PIK3R3: variants seen among roughly 807,000 people sequenced by gnomAD.
PIK3R3 encodes phosphatidylinositol 3-kinase regulatory subunit gamma.
A neutral mutation model predicts 62.9 loss-of-function variants in PIK3R3; 64 were observed. That is an observed-to-expected ratio of 1.02 (90% CI 0.83 to 1.25). The LOEUF (loss-of-function observed/expected upper bound fraction) is 1.25, where lower values mean the gene tolerates loss of function less well. Ranked by LOEUF, PIK3R3 falls within the 50% of genes most tolerant of loss-of-function variation. The pLI is 0.00. For missense variants in PIK3R3, 614 were observed against 561.6 expected, an observed-to-expected ratio of 1.09 and a Z score of -0.94; for synonymous variants, 165 against 189.0, an observed-to-expected ratio of 0.87 and a Z score of 1.04.
At position 46,050,438 on chromosome 1, in the gene PIK3R3, G is replaced by A. The variant is rs576471155; in HGVS notation, c.942-3813C>T. The stretch of plus-strand genomic sequence containing the variant: ...AAATTAGCTGGAGGTGGTGGTATGC[G>A]CCTATAATCCCAGCTACTCAGGAGG... On this transcript the variant is annotated intron_variant, in intron 7 of 9. Transcript: ENST00000262741. Among the ~76,000 whole-genome samples the A allele has an allele frequency of 5.3e-5, 8 of 151,900 alleles. No homozygotes were observed. The East Asian group carries it at 7.8e-4, about 15-fold the overall frequency.
rs775607206 is a variant in PIK3R3 at position 46,064,859 on chromosome 1, C to CCT, written c.621+1193_621+1194dup. Among the ~76,000 whole-genome samples the CCT allele has an allele frequency of 1.9e-4, 29 of 151,952 alleles. 1 individual carries two copies. The highest frequency in any genetic ancestry group is 3.5e-4 in the Non-Finnish European group (24 of 67,968). ...TTTAAACCAATGAACAAAATTTCCA[C>CCT]CTTAAGAAGCTAGGAAAAGAGAAAA... On this transcript the variant is annotated intron_variant, in intron 5 of 9. Coordinates refer to ENST00000262741, the MANE Select transcript of PIK3R3 (RefSeq NM_003629.4).
At chr1:46,138,373 A>C in the PIK3R3 span, among the ~76,000 whole-genome samples, 1 of 152,224 alleles carries the variant, frequency 6.6e-6, no homozygotes, top group Non-Finnish European at 1.5e-5. Flanking sequence ...TTAAAAAGAT[A>C]AAAAGACCAG....
In PIK3R3 at chr1:46,045,644, T is replaced by TTTTTTTTTTTTTTTTTTC. The variant is rs370501368; in HGVS notation, c.1187+273_1187+274insGAAAAAAAAAAAAAAAAA. Among the ~76,000 whole-genome samples, 25 of 82,678 alleles carry TTTTTTTTTTTTTTTTTTC rather than the reference T, an allele frequency of 3.0e-4. 4 individuals are homozygous for TTTTTTTTTTTTTTTTTTC. The highest frequency in any genetic ancestry group is 9.3e-4 in the Admixed American group (6 of 6,468). The allele number at this position is 82,678 out of a possible 152,430, so 54.2% of individuals were successfully genotyped here. A position where few individuals can be genotyped will look rare whatever the true frequency, so the allele number is the denominator to read the frequency against. On this transcript the variant is annotated intron_variant, in intron 9 of 9. Transcript: ENST00000262741. ...TTTTTTTTTTTTTTTTTTTTTTTTT[T>TTTTTTTTTTTTTTTTTTC]CAATTTAAGATCTCACATTACCTTT...
chr1:46,126,992 C>T (rs1165991781), intron 1 of PIK3R3, among the ~76,000 whole-genome samples: 7 of 151,882 alleles, frequency 4.6e-5, no homozygotes, highest in Non-Finnish European at 1.0e-4. Flanking sequence ...TTTTGCAAAA[C>T]AAAACTTTTC....
intron 6 of PIK3R3, among the ~76,000 whole-genome samples, chr1:46,058,747 T>C (rs1036514590): frequency 6.6e-6 from 1 of 152,230 alleles, no homozygotes; most frequent in Non-Finnish European, 1.5e-5. Flanking sequence ...AGGAAATAAC[T>C]AGCTTGCTTT....
intron 4 of PIK3R3, among the ~76,000 whole-genome samples, chr1:46,066,439 A>C (rs780421445): frequency 6.6e-6 from 1 of 152,208 alleles, no homozygotes; most frequent in Non-Finnish European, 1.5e-5. Flanking sequence ...AGACATAAAC[A>C]TAAGTATTTT....
chr1:46,056,527 C>CATA (rs1280660472), intron 6 of PIK3R3: 1 of 152,236 alleles, frequency 6.6e-6, no homozygotes, highest in African/African-American at 2.4e-5. Flanking sequence ...CCACTCTATC[C>CATA]CATCCCTACC....
intron 1 of PIK3R3, among the ~76,000 whole-genome samples, chr1:46,111,065 A>G (rs372776674): frequency 6.6e-6 from 1 of 152,080 alleles, no homozygotes; most frequent in Non-Finnish European, 1.5e-5. Context: ...CTCTAGCACA[A>G]GCTCTACACA....
At chr1:46,075,980 G>GT (rs1469557855) in intron 3 of PIK3R3, among the ~76,000 whole-genome samples, 4 of 152,322 alleles carry the variant, frequency 2.6e-5, no homozygotes, top group African/African-American at 9.6e-5. Flanking sequence ...CAGAATAAGA[G>GT]TGTGCTCCAG....
the PIK3R3 span, among the ~76,000 whole-genome samples, chr1:46,141,825 A>G: frequency 6.6e-6 from 1 of 152,170 alleles, no homozygotes; most frequent in African/African-American, 2.4e-5. Flanking sequence ...ATCCCAGGCC[A>G]AAACAACAGT....
chr1:46,074,307 A>AC lies in PIK3R3; in HGVS notation c.314+3207_314+3208insG, dbSNP rs1486924328. ...CCGTCAAAAAAAAAAAAAAAAAAAA[A>AC]AAAAAAAAAACCAATAAATTCAGCC... On this transcript the variant is annotated intron_variant, in intron 3 of 9. Coordinates refer to ENST00000262741, the MANE Select transcript of PIK3R3 (RefSeq NM_003629.4). 4.1e-5 allele frequency among the ~76,000 whole-genome samples: 6 copies of AC among 146,110 alleles called. 1 individual carries two copies. The highest frequency in any genetic ancestry group is 1.4e-4 in the Admixed American group (2 of 14,562).
intron 7 of PIK3R3, among the ~76,000 whole-genome samples, chr1:46,051,018 G>A (rs1298865891): frequency 6.6e-6 from 1 of 152,134 alleles, no homozygotes; most frequent in Non-Finnish European, 1.5e-5. Flanking sequence ...CACAGAAAGT[G>A]GATTAGCGGT....
At chr1:46,052,881 A>C (rs926083052) in intron 7 of PIK3R3, among the ~76,000 whole-genome samples, 2 of 152,202 alleles carry the variant, frequency 1.3e-5, no homozygotes, top group African/African-American at 2.4e-5. Context: ...GGCTTAAAGA[A>C]CTAATGACAG....
At chr1:46,107,173 T>C (rs1330753982) in intron 1 of PIK3R3, among the ~76,000 whole-genome samples, 1 of 151,940 alleles carries the variant, frequency 6.6e-6, no homozygotes, top group East Asian at 1.9e-4. Flanking sequence ...CTGGCCAACA[T>C]GGTGAAAGCC....
intron 6 of PIK3R3, chr1:46,056,995 A>G (rs1571371325): frequency 1.3e-5 from 2 of 150,544 alleles, no homozygotes; most frequent in Admixed American, 6.6e-5. Flanking sequence ...TAAAATGGTG[A>G]TATGGTTTGG....
chr1:46,099,152 A>C (rs1316382292), intron 1 of PIK3R3, among the ~76,000 whole-genome samples: 1 of 152,226 alleles, frequency 6.6e-6, no homozygotes, highest in Non-Finnish European at 1.5e-5. Flanking sequence ...TGGCATGTGA[A>C]TTATATCATA....
chr1:46,066,836 C>G, intron 4 of PIK3R3, 75 bp downstream of exon 4: 1 of 1,164,650 alleles, frequency 8.6e-7, no homozygotes, highest in African/African-American at 1.5e-5. Context: ...AACTGATAAG[C>G]CTGGTAAATA....
chr1:46,142,356 C>G, the PIK3R3 span, among the ~76,000 whole-genome samples: 1 of 152,114 alleles, frequency 6.6e-6, no homozygotes, highest in Non-Finnish European at 1.5e-5. Flanking sequence ...AGGAAGAAAA[C>G]ATGTACAAAA....
rs773472193 is a variant in PIK3R3 at position 46,045,958 on chromosome 1, G to C, written c.1147C>G (p.Arg383Gly). 3 of 1,613,418 alleles carry C rather than the reference G, an allele frequency of 1.9e-6. No homozygotes were observed. In the South Asian group the frequency reaches 3.3e-5, roughly 18 times the overall value. ...YGKPDGAFLIRESSKKGCYAC... is the reference protein window; with the variant it reads ...YGKPDGAFLIGESSKKGCYAC... Reference sequence around the variant, plus strand: ...TAGCATCCTTTCTTGCTACTCTCACGAATTAAGAATGCACCATCAGGTTTC... The same window carrying C: ...TAGCATCCTTTCTTGCTACTCTCACCAATTAAGAATGCACCATCAGGTTTC... Residue 383 changes from arginine to glycine, a missense_variant, in exon 9 of 10, where the codon CGT (arginine) becomes GGT (glycine). By Grantham distance (125) the Arg-to-Gly change is moderately radical. Transcript: ENST00000262741.
Sources: gnomAD v4.1 joint callset for allele counts (sites outside exome capture counted in the v4.1 genomes callset) on GRCh38, gnomAD v4.1.1 for gene constraint, MANE v1.5 for transcripts, NCBI Gene and HGNC (gene_info 2026-07-23, HGNC 2026-07-21) for gene names.